The following SPAG16 variants were observed in gnomAD, a reference collection of about 807,000 sequenced individuals.
The protein encoded by SPAG16 is sperm-associated antigen 16 protein.
In SPAG16, 86 loss-of-function variants were observed where a neutral mutation model predicts 80.4. The observed-to-expected ratio is 1.07, with a 90% CI of 0.90 to 1.28. SPAG16 has a LOEUF of 1.28. Ranked by LOEUF, SPAG16 falls within the 50% of genes most tolerant of loss-of-function variation. SPAG16 has a pLI of 0.00. For synonymous variants in SPAG16, 294 were observed against 265.9 expected (o/e 1.11, Z -1.03); for missense variants, 870 against 765.3 (o/e 1.14, Z -1.61).
chr2:213,403,508 C>A (rs375360348), intron 9 of SPAG16, among the ~76,000 whole-genome samples: 1 of 94,250 alleles, frequency 1.1e-5, no homozygotes, highest in African/African-American at 2.9e-5. Flanking sequence ...AATTCAGCAA[C>A]CTTCATGCTA....
chr2:213,771,583 T>TG (rs1156974278), intron 10 of SPAG16, among the ~76,000 whole-genome samples: 1 of 152,194 alleles, frequency 6.6e-6, no homozygotes. Flanking sequence ...TTTATAGTTT[T>TG]GGGTTTTACA....
At chr2:214,350,485 T>A (rs1355845277) in intron 15 of SPAG16, among the ~76,000 whole-genome samples, 1 of 152,210 alleles carries the variant, frequency 6.6e-6, no homozygotes, top group Non-Finnish European at 1.5e-5. Flanking sequence ...CTTGAGTAGA[T>A]AATATATCTT....
chr2:214,172,598 T>A (rs987868476), intron 15 of SPAG16, among the ~76,000 whole-genome samples: 1 of 152,272 alleles, frequency 6.6e-6, no homozygotes, highest in Admixed American at 6.5e-5. Flanking sequence ...TGATTTATAG[T>A]CCTTTGGGTA....
intron 15 of SPAG16, among the ~76,000 whole-genome samples, chr2:214,227,841 T>C (rs1688384358): frequency 6.6e-6 from 1 of 151,840 alleles, no homozygotes; most frequent in African/African-American, 2.4e-5. Context: ...GAGCTAAGAA[T>C]AATGGCTAGT....
chr2:213,798,600 G>A (rs1206512300), intron 10 of SPAG16, among the ~76,000 whole-genome samples: 2 of 152,074 alleles, frequency 1.3e-5, no homozygotes, highest in Non-Finnish European at 2.9e-5. Context: ...TTCTGATGAA[G>A]CCTAGTGTAT....
intron 5 of SPAG16, among the ~76,000 whole-genome samples, chr2:213,338,477 T>G (rs971758643): frequency 6.6e-6 from 1 of 152,182 alleles, no homozygotes; most frequent in African/African-American, 2.4e-5. Flanking sequence ...CTATCTCACA[T>G]GCAAAGACAC....
At chr2:213,984,309 A>G (rs1210799748) in intron 12 of SPAG16, among the ~76,000 whole-genome samples, 1 of 152,088 alleles carries the variant, frequency 6.6e-6, no homozygotes, top group Non-Finnish European at 1.5e-5. Flanking sequence ...GACAGTGTGC[A>G]CACACACAGC....
chr2:214,149,092 TATATAC>T, intron 14 of SPAG16, 42 bp from the exon 15 acceptor site: 2 of 668,534 alleles, frequency 3.0e-6, no homozygotes, highest in Non-Finnish European at 4.4e-6. Flanking sequence ...TATATATATA[TATATAC>T]ATACATACAC....
intron 10 of SPAG16, among the ~76,000 whole-genome samples, chr2:213,720,171 C>A (rs977678655): frequency 6.6e-6 from 1 of 152,116 alleles, no homozygotes; most frequent in African/African-American, 2.4e-5. Context: ...GAACATCACA[C>A]ACCAGGGCCT....
At chr2:213,612,284 C>G (rs2061463126) in intron 10 of SPAG16, among the ~76,000 whole-genome samples, 2 of 152,094 alleles carry the variant, frequency 1.3e-5, no homozygotes, top group Admixed American at 1.3e-4. Flanking sequence ...GGAAATGTCA[C>G]TATTAATATG....
At chr2:213,608,260 G>A (rs2125006123) in intron 10 of SPAG16, among the ~76,000 whole-genome samples, 1 of 152,172 alleles carries the variant, frequency 6.6e-6, no homozygotes, top group South Asian at 2.1e-4. Context: ...TGCCATGTTG[G>A]TGTGCTGCAC....
rs2071224741 is a variant in SPAG16, at chr2:213,799,150, A to G, written c.1071-63335A>G. Among the ~76,000 whole-genome samples the G allele has an allele frequency of 2.0e-5, 3 of 152,322 alleles. No homozygotes were observed. In the South Asian group the frequency reaches 6.2e-4, roughly 32 times the overall value. On this transcript the variant is annotated intron_variant, in intron 10 of 15. Transcript: ENST00000331683. Reference sequence around the variant, plus strand: ...GATAGAGATTCCATTGAATCTATAGACCAATTTGTAGAGTATTGCCATCTT... The same window carrying G: ...GATAGAGATTCCATTGAATCTATAGGCCAATTTGTAGAGTATTGCCATCTT...
intron 12 of SPAG16, among the ~76,000 whole-genome samples, chr2:213,946,362 C>T (rs144655498): frequency 0.011 from 1,651 of 152,172 alleles, 32 homozygotes; most frequent in African/African-American, 0.038. Context: ...ATCTACCTGC[C>T]TCGGCCTCCC....
chr2:214,173,158 A>G (rs1436001872), intron 15 of SPAG16, among the ~76,000 whole-genome samples: 2 of 152,116 alleles, frequency 1.3e-5, no homozygotes, highest in African/African-American at 2.4e-5. Context: ...TGTTTTAGAC[A>G]TGAAGTCCTT....
intron 12 of SPAG16, among the ~76,000 whole-genome samples, chr2:213,998,655 G>C (rs2046642550): frequency 6.6e-6 from 1 of 152,222 alleles, no homozygotes; most frequent in Non-Finnish European, 1.5e-5. Context: ...TTAACAGGCA[G>C]AGGTTGGAAC....
intron 3 of SPAG16, among the ~76,000 whole-genome samples, chr2:213,303,404 A>G (rs942669219): frequency 1.3e-5 from 2 of 152,036 alleles, no homozygotes; most frequent in African/African-American, 2.4e-5. Context: ...TATATTACAA[A>G]CAATCCAATT....
At chr2:214,277,600 TG>T (rs200828339) in intron 15 of SPAG16, among the ~76,000 whole-genome samples, 17,901 of 152,238 alleles carry the variant, frequency 0.12, 1,130 homozygotes, top group Middle Eastern at 0.22. Context: ...CCTGTTTGCC[TG>T]GGTATCACCA....
intron 15 of SPAG16, among the ~76,000 whole-genome samples, chr2:214,295,397 AT>A (rs1694062654): frequency 2.6e-5 from 4 of 152,046 alleles, no homozygotes; most frequent in Admixed American, 1.3e-4. Context: ...TATTAAGCGT[AT>A]TTTTTTAATC....
intron 13 of SPAG16, among the ~76,000 whole-genome samples, chr2:214,064,925 A>G (rs1576040240): frequency 6.6e-6 from 1 of 151,976 alleles, no homozygotes; most frequent in Admixed American, 6.6e-5. Flanking sequence ...CATATGTCTT[A>G]ATTTCAATTT....
Sources: allele counts gnomAD v4.1 joint callset (sites outside exome capture counted in the v4.1 genomes callset), GRCh38; gene constraint gnomAD v4.1.1; transcripts MANE v1.5; gene names NCBI Gene and HGNC (gene_info 2026-07-23, HGNC 2026-07-21).